Variants in ANKRD13C observed in about 807,000 individuals in gnomAD.
The protein encoded by ANKRD13C is ankyrin repeat domain 13C.
ANKRD13C carries 16 observed loss-of-function variants against 65.5 expected under a neutral mutation model. That is an observed-to-expected ratio of 0.24 (90% CI 0.17 to 0.37). The LOEUF (loss-of-function observed/expected upper bound fraction) is 0.37. ANKRD13C is among the 10% of genes least tolerant of loss of function. ANKRD13C has a pLI of 1.00. For synonymous variants in ANKRD13C, 235 were observed against 238.7 expected, an observed-to-expected ratio of 0.98 and a Z score of 0.14; for missense variants, 503 against 655.9, an observed-to-expected ratio of 0.77 and a Z score of 2.55.
intron 1 of ANKRD13C, 92 bp downstream of exon 1, chr1:70,353,887 C>T: frequency 7.1e-7 from 1 of 1,409,420 alleles, no homozygotes; most frequent in Middle Eastern, 1.9e-4. Flanking sequence ...AAAGAAGAGT[C>T]TGCTGGAGGG....
intron 1 of ANKRD13C, among the ~76,000 whole-genome samples, chr1:70,337,758 A>C (rs1682107361): frequency 6.6e-6 from 1 of 152,200 alleles, no homozygotes; most frequent in Admixed American, 6.5e-5. Flanking sequence ...CCGGAGGTAC[A>C]AATTTCCATT....
At chr1:70,266,188 T>C (rs1195970924) in intron 12 of ANKRD13C, among the ~76,000 whole-genome samples, 1 of 152,218 alleles carries the variant, frequency 6.6e-6, no homozygotes, top group Non-Finnish European at 1.5e-5. Flanking sequence ...AACTGTTCAC[T>C]GCCACAGTTG....
At chr1:70,277,319 G>A (rs982035585) in intron 9 of ANKRD13C, among the ~76,000 whole-genome samples, 2 of 152,112 alleles carry the variant, frequency 1.3e-5, no homozygotes, top group African/African-American at 2.4e-5. Context: ...TTATCCGGGC[G>A]TGATGGTGAG....
chr1:70,344,322 G>T (rs1454576129), intron 1 of ANKRD13C, among the ~76,000 whole-genome samples: 1 of 134,120 alleles, frequency 7.5e-6, no homozygotes, highest in Non-Finnish European at 1.6e-5. Context: ...AATTAGCTGG[G>T]CATGGTAGTG....
chr1:70,278,106 T>C (rs945197162), intron 9 of ANKRD13C, among the ~76,000 whole-genome samples: 2 of 151,520 alleles, frequency 1.3e-5, no homozygotes, highest in African/African-American at 2.4e-5. Flanking sequence ...GGAGGATCAC[T>C]TGAGACCAGG....
chr1:70,278,520 C>T (rs1489236124), intron 9 of ANKRD13C, among the ~76,000 whole-genome samples: 1 of 151,700 alleles, frequency 6.6e-6, no homozygotes, highest in East Asian at 1.9e-4. Flanking sequence ...CTCTATGTCT[C>T]AAGAAAACAA....
At chr1:70,348,858 G>T (rs2101637726) in intron 1 of ANKRD13C, among the ~76,000 whole-genome samples, 1 of 152,288 alleles carries the variant, frequency 6.6e-6, no homozygotes, top group South Asian at 2.1e-4. Flanking sequence ...CTTGTCACCT[G>T]CCAGGCAATG....
chr1:70,270,966 G>A lies in ANKRD13C; in HGVS notation c.1395-10C>T, dbSNP rs767203368. 1.5e-5 allele frequency: 23 copies of A among 1,555,504 alleles called. No individual in the cohort carries two copies. The highest frequency in any genetic ancestry group is 1.9e-5 in the Non-Finnish European group (22 of 1,132,444). ...TAAAACATTCAATAATCTGAAAAAT[G>A]GAAGAAGAAAAAAATGTTTTCATTG... is the stretch of plus-strand genomic sequence containing the variant. On this transcript the variant is annotated splice_polypyrimidine_tract_variant and intron_variant, in intron 11 of 12. Transcript: ENST00000370944.
chr1:70,292,635 T>A, intron 8 of ANKRD13C, 86 bp from the exon 9 acceptor site: 1 of 970,320 alleles, frequency 1.0e-6, no homozygotes, highest in Non-Finnish European at 1.5e-6. Context: ...ATATGTAACA[T>A]GTAGGTGAAA....
chr1:70,309,923 A>G (rs1396287928), intron 5 of ANKRD13C, among the ~76,000 whole-genome samples: 1 of 152,030 alleles, frequency 6.6e-6, no homozygotes, highest in Non-Finnish European at 1.5e-5. Context: ...TCTTCAAAAA[A>G]ATGATTTTAT....
chr1:70,352,845 A>G (rs1682805638), intron 1 of ANKRD13C, among the ~76,000 whole-genome samples: 1 of 152,246 alleles, frequency 6.6e-6, no homozygotes, highest in African/African-American at 2.4e-5. Flanking sequence ...TGGTGATTTT[A>G]TTACAATTAC....
chr1:70,354,236 T>C lies in ANKRD13C; in HGVS notation c.173A>G (p.His58Arg), dbSNP rs199957801. 172 of 1,613,480 alleles carry C rather than the reference T, an allele frequency of 1.1e-4. 1 individual carries two copies. Among genetic ancestry groups the C allele is most frequent in the Admixed American group, 8.2e-4 (49 of 60,012 alleles). ...AGCTGCCTTCAGCTGTAGCCGGTGG[T>C]GATGGTTACTGAAGATCTTATGACA... ...KACHKIFSNH[H>R]HRLQLKAAPA... The change falls in exon 1 of 13, where the codon CAC becomes CGC. Residue 58 changes from histidine to arginine, a missense_variant. Physicochemically the swap from His to Arg is conservative, Grantham distance 29. Coordinates refer to ENST00000370944, the MANE Select transcript of ANKRD13C (RefSeq NM_030816.5).
At chr1:70,346,099 T>G (rs1023789933) in intron 1 of ANKRD13C, among the ~76,000 whole-genome samples, 1 of 152,150 alleles carries the variant, frequency 6.6e-6, no homozygotes, top group Non-Finnish European at 1.5e-5. Context: ...CCCAAAGTGC[T>G]GGGATTACAG....
chr1:70,348,438 T>C (rs1184556750), intron 1 of ANKRD13C, among the ~76,000 whole-genome samples: 1 of 152,160 alleles, frequency 6.6e-6, no homozygotes, highest in East Asian at 1.9e-4. Context: ...GCTAATGTTT[T>C]GTATTTTTAG....
intron 12 of ANKRD13C, among the ~76,000 whole-genome samples, chr1:70,265,824 CAAAAAAAAAAA>C (rs775757290): frequency 1.4e-4 from 5 of 35,440 alleles, no homozygotes; most frequent in Admixed American, 3.7e-4. Context: ...GACCTTGCCT[CAAAAAAAAAAA>C]AAAAAAAAAA....
intron 5 of ANKRD13C, among the ~76,000 whole-genome samples, chr1:70,306,854 T>A (rs1001166616): frequency 6.6e-6 from 1 of 152,236 alleles, no homozygotes; most frequent in Non-Finnish European, 1.5e-5. Context: ...CCTATGTTGC[T>A]ATCTATAGCT....
intron 6 of ANKRD13C, among the ~76,000 whole-genome samples, chr1:70,303,568 T>C (rs190362589): frequency 2.0e-5 from 3 of 152,336 alleles, no homozygotes; most frequent in Middle Eastern, 3.4e-3. Context: ...AAAATCTTTG[T>C]TAGTACTCTC....
intron 2 of ANKRD13C, among the ~76,000 whole-genome samples, chr1:70,327,835 G>A (rs1332291353): frequency 6.6e-6 from 1 of 151,814 alleles, no homozygotes; most frequent in Admixed American, 6.6e-5. Context: ...GAGGCCAAGG[G>A]GGGCGGATCA....
chr1:70,273,631 T>C (rs1678992501), intron 11 of ANKRD13C, among the ~76,000 whole-genome samples: 1 of 151,994 alleles, frequency 6.6e-6, no homozygotes, highest in Non-Finnish European at 1.5e-5. Flanking sequence ...GACGAAAATA[T>C]AATCACTGTA....
Sources: gnomAD v4.1 joint callset for allele counts (sites outside exome capture counted in the v4.1 genomes callset) on GRCh38, gnomAD v4.1.1 for gene constraint, MANE v1.5 for transcripts, NCBI Gene and HGNC (gene_info 2026-07-23, HGNC 2026-07-21) for gene names.